Variants in AMMECR1 observed in about 807,000 individuals in gnomAD.
AMMECR1 encodes AMMECR nuclear protein 1, also known as nuclear protein AMMECR1.
Under a neutral mutation model 22.5 loss-of-function variants are expected in AMMECR1, and 3 were observed. That is an observed-to-expected ratio of 0.13 (90% confidence interval 0.06 to 0.35). The LOEUF (loss-of-function observed/expected upper bound fraction) is 0.35. AMMECR1 is among the 10% of genes least tolerant of loss of function. The pLI, the probability that AMMECR1 is intolerant of heterozygous loss-of-function variation, is 1.00. For missense variants in AMMECR1, 235 were observed against 278.7 expected (o/e 0.84, Z 1.12); for synonymous variants, 130 against 116.7 (o/e 1.11, Z -0.74).
chrX:110,341,284 T>A (rs1455925374), intron 2 of AMMECR1, among the ~76,000 whole-genome samples: 1 of 111,971 alleles, frequency 8.9e-6, no homozygotes, highest in African/African-American at 3.2e-5. Context: ...AGAATACTCA[T>A]AGGCCTTATA....
intron 2 of AMMECR1, among the ~76,000 whole-genome samples, chrX:110,419,887 G>A (rs1165207435): frequency 8.9e-6 from 1 of 112,230 alleles, no homozygotes; most frequent in African/African-American, 3.2e-5. Context: ...TATGTGCCAG[G>A]AACTGTTCTA....
intron 2 of AMMECR1, among the ~76,000 whole-genome samples, chrX:110,245,010 T>C (rs192018114): frequency 7.4e-4 from 83 of 111,517 alleles, no homozygotes; most frequent in African/African-American, 2.6e-3. Flanking sequence ...GTTCAACCAA[T>C]AAACCACAAA....
At chrX:110,366,136 G>T (rs1240934149) in intron 2 of AMMECR1, among the ~76,000 whole-genome samples, 1 of 111,462 alleles carries the variant, frequency 9.0e-6, no homozygotes, top group East Asian at 2.8e-4. Flanking sequence ...CCCAACAAAG[G>T]TTTTATCCTA....
rs755621730 is a variant in AMMECR1, at chrX:110,376,614, T to A, written c.-148+50044A>T. Among the ~76,000 whole-genome samples, 5 of 111,841 alleles carry A rather than the reference T, an allele frequency of 4.5e-5. 1 individual carries two copies. The South Asian group carries it at 1.9e-3, about 43-fold the overall frequency. On this transcript the variant is annotated intron_variant, in intron 2 of 7. Transcript: ENST00000372057. The stretch of plus-strand genomic sequence containing the variant: ...CTGCCCTATGAGGCAGCACCAACAC[T>A]CAGAAGAAAACAAAAAAGAAACTCT...
intron 1 of AMMECR1, among the ~76,000 whole-genome samples, chrX:110,268,180 C>T (rs924049756): frequency 1.8e-5 from 2 of 111,925 alleles, no homozygotes; most frequent in South Asian, 3.7e-4. Context: ...CTTCATAAGA[C>T]GTAGAGCAGA....
chrX:110,203,902 A>G (rs1303373787), intron 3 of AMMECR1, among the ~76,000 whole-genome samples: 2 of 111,671 alleles, frequency 1.8e-5, no homozygotes, highest in African/African-American at 6.5e-5. Context: ...TTTTATTTTT[A>G]TTAAAGCATA....
At chrX:110,214,197 A>G (rs938718928) in intron 3 of AMMECR1, among the ~76,000 whole-genome samples, 2 of 110,144 alleles carry the variant, frequency 1.8e-5, no homozygotes, top group South Asian at 7.8e-4. Context: ...CAGGAGGCGG[A>G]GCTTGCAGTG....
chrX:110,234,478 A>C (rs2067589053), intron 2 of AMMECR1, among the ~76,000 whole-genome samples: 1 of 111,947 alleles, frequency 8.9e-6, no homozygotes, highest in South Asian at 3.7e-4. Context: ...GAAAAAAACT[A>C]CTTTAAAGTT....
intron 2 of AMMECR1, among the ~76,000 whole-genome samples, chrX:110,347,493 T>C (rs901404822): frequency 1.8e-5 from 2 of 113,060 alleles, no homozygotes; most frequent in Admixed American, 9.3e-5. Flanking sequence ...AGTTCTTCGC[T>C]AATTCTGTAA....
chrX:110,198,663 T>A, intron 5 of AMMECR1, 29 bp from the exon 6 acceptor site: 1 of 1,050,200 alleles, frequency 9.5e-7, no homozygotes, highest in Non-Finnish European at 1.3e-6. Flanking sequence ...AGAGAAAAGT[T>A]AACATTGAGA....
rs185999932 is a variant in AMMECR1 at position 110,256,852 on chromosome X, A to G, written c.584+7637T>C. ...ATCATAACTAAAATTTTAATATTCA[A>G]TTGCTACACCAAAACCTCAACTTTC... On this transcript the variant is annotated intron_variant, in intron 2 of 5. Coordinates refer to ENST00000262844, the MANE Select transcript of AMMECR1 (RefSeq NM_015365.3). Among the ~76,000 whole-genome samples the G allele has an allele frequency of 1.5e-4, 17 of 111,661 alleles. No homozygotes were observed. The Admixed American group carries it at 1.6e-3, about 11-fold the overall frequency.
intron 2 of AMMECR1, among the ~76,000 whole-genome samples, chrX:110,423,297 C>T (rs1255192695): frequency 2.9e-5 from 3 of 104,041 alleles, no homozygotes; most frequent in East Asian, 3.0e-4. Context: ...CATTGCACTC[C>T]AACCTGGGCA....
At chrX:110,249,779 A>G (rs1186037061) in intron 2 of AMMECR1, among the ~76,000 whole-genome samples, 1 of 111,867 alleles carries the variant, frequency 8.9e-6, no homozygotes, top group East Asian at 2.8e-4. Context: ...GCATGCCTGC[A>G]GTCCCAGCTA....
upstream of AMMECR1, among the ~76,000 whole-genome samples, chrX:110,321,354 T>TA (rs750944455): frequency 0.014 from 1,393 of 102,576 alleles, 29 homozygotes; most frequent in African/African-American, 0.046. Context: ...AGATTCCACT[T>TA]AAAAAAAAAA....
chrX:110,383,065 T>C (rs2068431514), intron 2 of AMMECR1, among the ~76,000 whole-genome samples: 1 of 111,930 alleles, frequency 8.9e-6, no homozygotes, highest in Non-Finnish European at 1.9e-5. Flanking sequence ...GATGAGAAAC[T>C]CTTGCAAAAA....
chrX:110,279,303 G>A (rs1231455893), intron 1 of AMMECR1, among the ~76,000 whole-genome samples: 3 of 112,281 alleles, frequency 2.7e-5, no homozygotes, highest in African/African-American at 9.7e-5. Context: ...ACAGAATAAT[G>A]GAAAAACTAT....
chrX:110,295,279 T>C (rs757096331), intron 1 of AMMECR1, among the ~76,000 whole-genome samples: 3 of 111,399 alleles, frequency 2.7e-5, no homozygotes, highest in South Asian at 7.6e-4. Flanking sequence ...TTATTAAAGA[T>C]ATTAATTTTA....
At chrX:110,399,913 A>G (rs1362299047) in intron 2 of AMMECR1, among the ~76,000 whole-genome samples, 2 of 112,286 alleles carry the variant, frequency 1.8e-5, no homozygotes, top group African/African-American at 3.2e-5. Flanking sequence ...TAAGGGGAAG[A>G]GGTGAGTTAA....
chrX:110,410,322 G>A (rs900444184), intron 2 of AMMECR1, among the ~76,000 whole-genome samples: 1 of 111,741 alleles, frequency 8.9e-6, no homozygotes, highest in African/African-American at 3.3e-5. Context: ...GCATCTTAAA[G>A]GTTGTTTTTC....
Sources: allele counts gnomAD v4.1 joint callset (sites outside exome capture counted in the v4.1 genomes callset), GRCh38; gene constraint gnomAD v4.1.1; transcripts MANE v1.5; gene names NCBI Gene and HGNC (gene_info 2026-07-23, HGNC 2026-07-21).